Variants in CNTN3 observed in about 807,000 individuals in gnomAD.
CNTN3 encodes contactin 3.
CNTN3 carries 60 observed loss-of-function variants against 119.1 expected under a neutral mutation model. The ratio of observed to expected loss-of-function variants is 0.50; its 90% CI spans 0.41 to 0.62. The LOEUF (loss-of-function observed/expected upper bound fraction) is 0.62. CNTN3 is among the 20% of genes least tolerant of loss of function. The probability of loss-of-function intolerance (pLI) is 0.00; values close to 1 mark genes in which losing one functional copy is unlikely to be tolerated. For missense variants in CNTN3, 1,101 were observed against 1,242.4 expected (o/e 0.89, Z 1.71); for synonymous variants, 450 against 438.7 (o/e 1.03, Z -0.32).
chr3:74,524,588 T>G (rs1407289540), intron 1 of CNTN3, among the ~76,000 whole-genome samples: 1 of 151,772 alleles, frequency 6.6e-6, no homozygotes, highest in Non-Finnish European at 1.5e-5. Flanking sequence ...GAAATTTTCC[T>G]AGTGTAGACA....
At chr3:74,273,096 G>C (rs1182256056) in intron 20 of CNTN3, among the ~76,000 whole-genome samples, 1 of 152,162 alleles carries the variant, frequency 6.6e-6, no homozygotes, top group Non-Finnish European at 1.5e-5. Context: ...TGTGTATCCT[G>C]AGCCAAAACC....
chr3:74,609,620 C>G (rs975437445), intron 1 of CNTN3, among the ~76,000 whole-genome samples: 2 of 152,114 alleles, frequency 1.3e-5, no homozygotes, highest in African/African-American at 4.8e-5. Context: ...AAGAGATGTA[C>G]GAGATCACGG....
rs139045703 is a variant in CNTN3 at position 74,468,365 on chromosome 3, C to G, written c.358+18091G>C. Among the ~76,000 whole-genome samples the G allele has an allele frequency of 2.1e-3, 313 of 152,152 alleles. 1 individual carries two copies. The highest frequency in any genetic ancestry group is 7.2e-3 in the African/African-American group (297 of 41,538). ...GCCAAGGCTACATATCAAAGAAAAT[C>G]TAGATTTTTTTTAAATGAAATACAA... On this transcript the variant is annotated intron_variant, in intron 4 of 22. Coordinates refer to ENST00000263665, the MANE Select transcript of CNTN3 (RefSeq NM_020872.3).
chr3:74,451,148 T>C (rs1007491717), intron 4 of CNTN3, among the ~76,000 whole-genome samples: 2 of 152,120 alleles, frequency 1.3e-5, no homozygotes, highest in African/African-American at 2.4e-5. Context: ...AAAGTGTTCC[T>C]ATTTCTCCAC....
At chr3:74,298,608 A>T (rs1214848543) in intron 17 of CNTN3, among the ~76,000 whole-genome samples, 2 of 151,942 alleles carry the variant, frequency 1.3e-5, no homozygotes, top group Non-Finnish European at 2.9e-5. Context: ...CTGGAAAAAA[A>T]AAAAAAGGCC....
At chr3:74,321,233 A>G (rs999481282) in intron 13 of CNTN3, among the ~76,000 whole-genome samples, 6 of 152,320 alleles carry the variant, frequency 3.9e-5, no homozygotes, top group Admixed American at 1.3e-4. Context: ...ATCATGCAAT[A>G]TACCTTTAAC....
chr3:74,504,593 AT>A, intron 2 of CNTN3, among the ~76,000 whole-genome samples: 1 of 152,312 alleles, frequency 6.6e-6, no homozygotes, highest in East Asian at 1.9e-4. Flanking sequence ...AAAGTATTCG[AT>A]CTTAGAATAT....
At chr3:74,336,199 A>G (rs887186255) in intron 12 of CNTN3, among the ~76,000 whole-genome samples, 3 of 152,120 alleles carry the variant, frequency 2.0e-5, no homozygotes, top group African/African-American at 7.2e-5. Context: ...GAAAAAATCA[A>G]CTATAATGAA....
At chr3:74,601,635 A>G (rs1169851927) in intron 1 of CNTN3, among the ~76,000 whole-genome samples, 1 of 152,106 alleles carries the variant, frequency 6.6e-6, no homozygotes, top group Non-Finnish European at 1.5e-5. Flanking sequence ...AGATTGCATT[A>G]TTGGCCCAAA....
chr3:74,459,920 G>A (rs1702335190), intron 4 of CNTN3, among the ~76,000 whole-genome samples: 1 of 151,846 alleles, frequency 6.6e-6, no homozygotes, highest in South Asian at 2.1e-4. Context: ...ACTTTTTTCA[G>A]TTAACATAAT....
At chr3:74,596,598 A>T (rs1311268495) in intron 1 of CNTN3, among the ~76,000 whole-genome samples, 1 of 152,152 alleles carries the variant, frequency 6.6e-6, no homozygotes, top group Non-Finnish European at 1.5e-5. Context: ...AGGATTCCCT[A>T]TTTAATAAAT....
At position 74,285,478 on chromosome 3, in the gene CNTN3, T is replaced by C. The variant is rs754168561; in HGVS notation, c.2531A>G (p.Asn844Ser). ...GGATGATTCCTCCTTTCCACCCCCA[T>C]TCCAGTACCGCACCTGGTGGGCGGA... The part of the protein sequence containing the change: ...HLLGYEVRYW[N>S]GGGKEESSSK... The change falls in exon 20 of 23, where the codon AAT becomes AGT. Residue 844 changes from asparagine to serine, a missense_variant. Physicochemically the swap from Asn to Ser is conservative, Grantham distance 46. Coordinates refer to ENST00000263665, the MANE Select transcript of CNTN3 (RefSeq NM_020872.3). 1 of 1,611,100 alleles carries C rather than the reference T, an allele frequency of 6.2e-7. No individual in the cohort carries two copies. Among genetic ancestry groups the C allele is most frequent in the South Asian group, 1.1e-5 (1 of 90,672 alleles).
intron 1 of CNTN3, among the ~76,000 whole-genome samples, chr3:74,556,564 C>T (rs1179286357): frequency 6.6e-6 from 1 of 151,958 alleles, no homozygotes; most frequent in Non-Finnish European, 1.5e-5. Flanking sequence ...AGAATTTTTC[C>T]TCTTTGGCTA....
intron 4 of CNTN3, among the ~76,000 whole-genome samples, chr3:74,472,012 T>C (rs1012445570): frequency 2.0e-5 from 3 of 152,204 alleles, no homozygotes; most frequent in Admixed American, 6.5e-5. Context: ...GTCTCTCTCA[T>C]GTTTTTTGGT....
At chr3:74,312,793 C>A (rs1347150858) in intron 13 of CNTN3, among the ~76,000 whole-genome samples, 3 of 151,956 alleles carry the variant, frequency 2.0e-5, no homozygotes, top group Non-Finnish European at 2.9e-5. Flanking sequence ...ACAAGGCATA[C>A]TAAAAGGCAA....
intron 4 of CNTN3, among the ~76,000 whole-genome samples, chr3:74,474,049 A>G (rs542819428): frequency 1.9e-4 from 29 of 152,262 alleles, no homozygotes; most frequent in African/African-American, 7.0e-4. Context: ...AAATTACAGC[A>G]GTGGGGCAGT....
chr3:74,450,491 T>C (rs1050621103), intron 4 of CNTN3, among the ~76,000 whole-genome samples: 2 of 126,876 alleles, frequency 1.6e-5, no homozygotes, highest in African/African-American at 6.2e-5. Context: ...ATATGGTTTA[T>C]CTGAAGCCCT....
At chr3:74,376,575 A>G (rs1704480241) in intron 5 of CNTN3, among the ~76,000 whole-genome samples, 1 of 152,178 alleles carries the variant, frequency 6.6e-6, no homozygotes, top group African/African-American at 2.4e-5. Flanking sequence ...CAGGGCTCCC[A>G]GTGATTCTAC....
At chr3:74,318,308 T>G (rs1702888025) in intron 13 of CNTN3, among the ~76,000 whole-genome samples, 1 of 152,200 alleles carries the variant, frequency 6.6e-6, no homozygotes, top group African/African-American at 2.4e-5. Context: ...CAGAGTAGTT[T>G]GATCGTCTGA....
Sources: allele counts gnomAD v4.1 joint callset (sites outside exome capture counted in the v4.1 genomes callset), GRCh38; gene constraint gnomAD v4.1.1; transcripts MANE v1.5; gene names NCBI Gene and HGNC (gene_info 2026-07-23, HGNC 2026-07-21).